The following CCSER1 variants were observed in gnomAD, a reference collection of about 807,000 sequenced individuals.
The protein encoded by CCSER1 is serine-rich coiled-coil domain-containing protein 1.
Under a neutral mutation model 82.0 loss-of-function variants are expected in CCSER1, and 41 were observed. The observed-to-expected ratio is 0.50, with a 90% confidence interval of 0.39 to 0.65. The LOEUF is 0.65. CCSER1 is among the 30% of genes least tolerant of loss of function. The pLI is 0.00. For synonymous variants in CCSER1, 414 were observed against 383.9 expected, an observed-to-expected ratio of 1.08 and a Z score of -0.92; for missense variants, 1,119 against 1,064.2, an observed-to-expected ratio of 1.05 and a Z score of -0.72.
chr4:91,248,130 A>G (rs1000190898), intron 10 of CCSER1, among the ~76,000 whole-genome samples: 1 of 152,220 alleles, frequency 6.6e-6, no homozygotes, highest in Non-Finnish European at 1.5e-5. Context: ...AACAATTTAA[A>G]CAACAAGATA....
chr4:91,551,120 T>TTCCCTAA (rs1398684785), intron 10 of CCSER1, among the ~76,000 whole-genome samples: 1 of 152,068 alleles, frequency 6.6e-6, no homozygotes, highest in Non-Finnish European at 1.5e-5. Flanking sequence ...ACTTATATAC[T>TTCCCTAA]ATATATTTAG....
At chr4:90,167,943 A>G (rs1428620752) in intron 1 of CCSER1, among the ~76,000 whole-genome samples, 1 of 152,116 alleles carries the variant, frequency 6.6e-6, no homozygotes, top group African/African-American at 2.4e-5. Context: ...ATACGTGTGC[A>G]TGTGTCTTTA....
chr4:90,825,965 C>T (rs1313351773), intron 8 of CCSER1, among the ~76,000 whole-genome samples: 1 of 152,054 alleles, frequency 6.6e-6, no homozygotes, highest in Admixed American at 6.6e-5. Context: ...GCTGGGATTA[C>T]AGGCCTGAGT....
At chr4:90,430,359 A>G (rs1758103279) in intron 4 of CCSER1, among the ~76,000 whole-genome samples, 1 of 151,950 alleles carries the variant, frequency 6.6e-6, no homozygotes, top group South Asian at 2.1e-4. Flanking sequence ...GACAATGTCA[A>G]AATTCATTTT....
At chr4:90,693,438 G>A (rs1736393585) in intron 6 of CCSER1, 2 of 151,882 alleles carry the variant, frequency 1.3e-5, no homozygotes, top group South Asian at 4.1e-4. Context: ...GAAAGTGATT[G>A]TAAAACTAGA....
intron 10 of CCSER1, among the ~76,000 whole-genome samples, chr4:91,498,161 G>T (rs1191894376): frequency 1.3e-5 from 2 of 151,974 alleles, no homozygotes; most frequent in East Asian, 3.9e-4. Context: ...GACAATCTTT[G>T]CTGGTTTCAG....
chr4:90,793,872 G>A (rs1010092360), intron 7 of CCSER1, among the ~76,000 whole-genome samples: 3 of 152,118 alleles, frequency 2.0e-5, no homozygotes, highest in East Asian at 1.9e-4. Flanking sequence ...ATTCTGTGAG[G>A]TGGTGTCTCA....
intron 10 of CCSER1, among the ~76,000 whole-genome samples, chr4:91,425,245 C>A (rs1753903263): frequency 6.6e-6 from 1 of 152,024 alleles, no homozygotes; most frequent in South Asian, 2.1e-4. Flanking sequence ...AATTTTAGAA[C>A]TAATGGGAAC....
intron 9 of CCSER1, among the ~76,000 whole-genome samples, chr4:91,017,742 T>G (rs1267571260): frequency 6.6e-6 from 1 of 152,112 alleles, no homozygotes; most frequent in East Asian, 1.9e-4. Flanking sequence ...TTGTCACATA[T>G]TCTGGAATCT....
intron 6 of CCSER1, among the ~76,000 whole-genome samples, chr4:90,704,379 C>A (rs543288632): frequency 6.6e-6 from 1 of 152,108 alleles, no homozygotes; most frequent in Non-Finnish European, 1.5e-5. Context: ...GTGGGTAACC[C>A]GACCTTTCTC....
intron 10 of CCSER1, among the ~76,000 whole-genome samples, chr4:91,436,771 C>T (rs1422678767): frequency 6.6e-6 from 1 of 152,068 alleles, no homozygotes; most frequent in Non-Finnish European, 1.5e-5. Context: ...ACAGATGGAT[C>T]TAAATTAGGA....
At chr4:91,460,998 A>G (rs767400996) in intron 10 of CCSER1, among the ~76,000 whole-genome samples, 1 of 152,170 alleles carries the variant, frequency 6.6e-6, no homozygotes, top group Non-Finnish European at 1.5e-5. Flanking sequence ...ACTTTTAGAG[A>G]TGTCTCCAAG....
Position 90,454,624 on chromosome 4 carries a change from A to G in CCSER1, c.1604-13610A>G, listed in dbSNP as rs1761939536. ...TTGATGTCCCATTTATTATCCTCCAATGATACTACTATTCTTCTAATTGGA... is the reference window on the plus strand; with the variant it reads ...TTGATGTCCCATTTATTATCCTCCAGTGATACTACTATTCTTCTAATTGGA... On this transcript the variant is annotated intron_variant, in intron 4 of 10. Transcript: ENST00000509176. 2.6e-5 allele frequency among the ~76,000 whole-genome samples: 4 copies of G among 151,966 alleles called. No individual in the cohort carries two copies. In the South Asian group the frequency reaches 6.2e-4, roughly 24 times the overall value.
chr4:91,047,935 T>C (rs1349217858), intron 9 of CCSER1, among the ~76,000 whole-genome samples: 5 of 152,156 alleles, frequency 3.3e-5, no homozygotes, highest in Admixed American at 6.5e-5. Context: ...AACATGTATG[T>C]GTTAATTTTT....
intron 5 of CCSER1, among the ~76,000 whole-genome samples, chr4:90,570,777 T>A (rs1438625078): frequency 6.6e-6 from 1 of 152,164 alleles, no homozygotes; most frequent in Non-Finnish European, 1.5e-5. Context: ...GGTATGAGCA[T>A]GGCAGAGTAA....
At chr4:90,244,411 G>C (rs1488578604) in intron 1 of CCSER1, among the ~76,000 whole-genome samples, 1 of 152,178 alleles carries the variant, frequency 6.6e-6, no homozygotes, top group African/African-American at 2.4e-5. Context: ...ATAAGGAACT[G>C]TTGTGATATT....
chr4:90,627,673 A>T (rs970314620), intron 5 of CCSER1, among the ~76,000 whole-genome samples: 3 of 152,058 alleles, frequency 2.0e-5, no homozygotes, highest in African/African-American at 7.2e-5. Context: ...GGAATGTGTG[A>T]AAATTTTAAA....
intron 6 of CCSER1, among the ~76,000 whole-genome samples, chr4:90,668,279 G>A (rs1039213764): frequency 3.3e-5 from 5 of 152,064 alleles, no homozygotes; most frequent in African/African-American, 4.8e-5. Flanking sequence ...ATATACTGTG[G>A]CTTCTGTTAT....
chr4:91,486,878 A>C (rs530832482), intron 10 of CCSER1, among the ~76,000 whole-genome samples: 22 of 152,144 alleles, frequency 1.4e-4, no homozygotes, highest in African/African-American at 5.1e-4. Flanking sequence ...ATCTGCTCTT[A>C]GATTTTTTCC....
Sources: allele counts gnomAD v4.1 joint callset (sites outside exome capture counted in the v4.1 genomes callset), GRCh38; gene constraint gnomAD v4.1.1; transcripts MANE v1.5; gene names NCBI Gene and HGNC (gene_info 2026-07-23, HGNC 2026-07-21).